The following TP53I13 variants were observed in gnomAD, a reference collection of about 807,000 sequenced individuals.
TP53I13 encodes tumor protein p53-inducible protein 13.
A neutral mutation model predicts 39.1 loss-of-function variants in TP53I13; 27 were observed. The ratio of observed to expected loss-of-function variants is 0.69; its 90% CI spans 0.51 to 0.95. TP53I13 has a LOEUF of 0.95. Ranked by LOEUF, TP53I13 falls within the 40% of genes least tolerant of loss-of-function variation. TP53I13 has a pLI of 0.00. For synonymous variants in TP53I13, 230 were observed against 224.6 expected, an observed-to-expected ratio of 1.02 and a Z score of -0.22; for missense variants, 544 against 520.4, an observed-to-expected ratio of 1.05 and a Z score of -0.44.
rs1158318475 is a variant in TP53I13 at position 29,572,459 on chromosome 17, C to T, written c.831C>T (p.Ser277=). The change falls in exon 6 of 7, where the codon AGC becomes AGT. Residue 277 remains serine, a synonymous_variant. Transcript: ENST00000301057. ...CTCAGGTGCCCAACGGGCAAGGCAG[C>T]CCAGGGGGCTGTGTCTGTTCAAGTC... ...TEAQVPNGQG[S]PGGCVCSSQA... 1.9e-6 allele frequency: 3 copies of T among 1,583,724 alleles called. No homozygotes were observed. Among genetic ancestry groups the T allele is most frequent in the African/African-American group, 2.7e-5 (2 of 74,242 alleles).
At chr17:29,575,546 C>T (rs2150823018), downstream of TP53I13, 1 of 1,564,416 alleles carries the variant, frequency 6.4e-7, no homozygotes, top group East Asian at 2.3e-5. This position sits in a 1 kb window ranked among gnomAD's most constrained non-coding sequence, Gnocchi z 5.5. Flanking sequence ...AGCCGCCCGC[C>T]TTGGTCCTCA....
At chr17:29,566,627 G>A, upstream of TP53I13, 1 of 1,607,878 alleles carries the variant, frequency 6.2e-7, no homozygotes, top group Admixed American at 1.7e-5. Context: ...GCTACGGGCA[G>A]GACGAAGTGG....
chr17:29,577,094 A>G, downstream of TP53I13: 10 of 1,606,682 alleles, frequency 6.2e-6, no homozygotes, highest in Non-Finnish European at 8.5e-6. Flanking sequence ...AGACCCCTGG[A>G]GCCCCGCCTG....
intron 3 of TP53I13, chr17:29,569,655 G>A: frequency 5.8e-6 from 2 of 343,858 alleles, no homozygotes; most frequent in Non-Finnish European, 1.1e-5. Context: ...AGAGTAGCTG[G>A]AAAAAACCCA....
chr17:29,582,136 G>A, the TP53I13 span: 1 of 1,571,718 alleles, frequency 6.4e-7, no homozygotes. Flanking sequence ...GCACGCTCGA[G>A]TGTAGTTGCT....
Position 29,568,708 on chromosome 17 carries a change from C to G in TP53I13, c.-51C>G. On this transcript the variant is annotated 5_prime_UTR_variant, in exon 1 of 7. Coordinates refer to ENST00000301057, the MANE Select transcript of TP53I13 (RefSeq NM_138349.4). This position sits in a 1 kb window ranked among gnomAD's most constrained non-coding sequence, Gnocchi z 4.5. ...GCTGGAGGGGCGGGGCGCGCGCGCT[C>G]CCTCGCTGGCGGAGCGGCTGGGCGG... The G allele has an allele frequency of 7.9e-7, 1 of 1,258,950 alleles. No individual in the cohort carries two copies. The highest frequency in any genetic ancestry group is 1.0e-6 in the Non-Finnish European group (1 of 996,858). 78.0% of individuals were successfully genotyped at this position (1,258,950 alleles called of 1,614,324 possible). A position where few individuals can be genotyped will look rare whatever the true frequency, so the allele number is the denominator to read the frequency against.
chr17:29,577,498 A>G (rs1335191606), downstream of TP53I13: 16 of 703,650 alleles, frequency 2.3e-5, no homozygotes, highest in African/African-American at 1.1e-4. Flanking sequence ...CAGCCTCCTG[A>G]CCTTCCCAAA....
At chr17:29,566,890 C>T (rs1371885510), upstream of TP53I13, 3 of 1,494,000 alleles carry the variant, frequency 2.0e-6, no homozygotes, top group Admixed American at 4.4e-5. Context: ...CCAGGGTCCC[C>T]GGAGCCGCGG....
At position 29,572,463 on chromosome 17, in the gene TP53I13, G is replaced by A; in HGVS notation, c.835G>A (p.Gly279Arg). The change falls in exon 6 of 7, where the codon GGG becomes AGG. Residue 279 changes from glycine to arginine, a missense_variant. Physicochemically the swap from Gly to Arg is moderately radical, Grantham distance 125 (BLOSUM62 -2). Transcript: ENST00000301057. ...GGTGCCCAACGGGCAAGGCAGCCCA[G>A]GGGGCTGTGTCTGTTCAAGTCAGGC... ...AQVPNGQGSP[G>R]GCVCSSQASP... 1 of 1,584,632 alleles carries A rather than the reference G, an allele frequency of 6.3e-7. No homozygotes were observed. Among genetic ancestry groups the A allele is most frequent in the Non-Finnish European group, 8.6e-7 (1 of 1,163,480 alleles).
chr17:29,572,871 C>T lies in TP53I13; in HGVS notation c.1129C>T (p.Pro377Ser). The stretch of plus-strand genomic sequence containing the variant: ...CCGGGTCAAGCGCTCGCGCCGGAGA[C>T]CCCTCCTCCCGCCCACGCCGGACAG... ...SRRVKRSRRRPLLPPTPDSGP... is the reference protein window; with the variant it reads ...SRRVKRSRRRSLLPPTPDSGP... Residue 377 changes from proline (P) to serine (S), a missense_variant, in exon 7 of 7, where the codon CCC becomes TCC. Coordinates refer to ENST00000301057, the MANE Select transcript of TP53I13 (RefSeq NM_138349.4). 1.3e-6 allele frequency: 2 copies of T among 1,520,438 alleles called. No individual in the cohort carries two copies. Among genetic ancestry groups the T allele is most frequent in the African/African-American group, 2.8e-5 (2 of 70,708 alleles). The allele number at this position is 1,520,438 out of a possible 1,614,324, so 94.2% of individuals were successfully genotyped here.
chr17:29,574,169 C>T (rs1420070151), downstream of TP53I13: 1 of 151,948 alleles, frequency 6.6e-6, no homozygotes, highest in Non-Finnish European at 1.5e-5. Context: ...CTGCTGGGGA[C>T]CCCAGCACAC....
chr17:29,566,623 G>C (rs763933897), upstream of TP53I13: 6 of 1,608,292 alleles, frequency 3.7e-6, no homozygotes, highest in Admixed American at 1.0e-4. Context: ...AGGCGCTACG[G>C]GCAGGACGAA....
the TP53I13 span, chr17:29,582,214 C>T: frequency 4.0e-5 from 47 of 1,173,208 alleles, no homozygotes; most frequent in South Asian, 6.5e-4. Flanking sequence ...CAAGCTGCAC[C>T]CTGGCTGCCC....
At position 29,572,332 on chromosome 17, in the gene TP53I13, C is replaced by G; in HGVS notation, c.704C>G (p.Ser235Cys). Residue 235 changes from serine (S) to cysteine (C), a missense_variant, in exon 6 of 7, where the codon TCC becomes TGC. Coordinates refer to ENST00000301057, the MANE Select transcript of TP53I13 (RefSeq NM_138349.4). The part of the protein sequence containing the change: ...ASPGSLKAKQ[S>C]MAGIPGRESN... The stretch of plus-strand genomic sequence containing the variant: ...CCAGGGAGCTTGAAGGCCAAGCAGT[C>G]CATGGCGGGAATCCCTGGTAGGGAG... The G allele has an allele frequency of 6.2e-7, 1 of 1,611,908 alleles. No homozygotes were observed. Among genetic ancestry groups the G allele is most frequent in the Non-Finnish European group, 8.5e-7 (1 of 1,179,192 alleles).
chr17:29,576,176 GCCCCA>G (rs769059992), downstream of TP53I13: 1 of 1,610,386 alleles, frequency 6.2e-7, no homozygotes, highest in South Asian at 1.1e-5. Context: ...CCCTGCGGCA[GCCCCA>G]CCCATCTCCC....
chr17:29,566,677 G>T (rs150324138), upstream of TP53I13: 2 of 1,595,838 alleles, frequency 1.3e-6, no homozygotes, highest in Admixed American at 1.7e-5. Context: ...CCAGGAGCGC[G>T]GGCCGGCCTC....
At chr17:29,576,868 C>T, downstream of TP53I13, 1 of 1,574,854 alleles carries the variant, frequency 6.3e-7, no homozygotes, top group Non-Finnish European at 8.6e-7. Context: ...CAGACCCGGG[C>T]CCGGTTGCTC....
At chr17:29,577,251 CA>C, downstream of TP53I13, 1 of 1,613,060 alleles carries the variant, frequency 6.2e-7, no homozygotes, top group Non-Finnish European at 8.5e-7. Context: ...GTCGCCCCTG[CA>C]AGGCAGAAAG....
At chr17:29,569,409 G>A in intron 3 of TP53I13, 50 bp downstream of exon 3, 1 of 1,590,620 alleles carries the variant, frequency 6.3e-7, no homozygotes, top group Non-Finnish European at 8.6e-7. Flanking sequence ...CCTGGAGACA[G>A]GCGCTCCTAG....
Sources: allele counts gnomAD v4.1 joint callset, GRCh38; gene constraint gnomAD v4.1.1; non-coding constraint Gnocchi (gnomAD v3.1); transcripts MANE v1.5; gene names NCBI Gene and HGNC (gene_info 2026-07-23, HGNC 2026-07-21).